KLF5: variants seen among roughly 807,000 people sequenced by gnomAD.
KLF5 encodes the protein Krueppel-like factor 5.
In KLF5, 9 loss-of-function variants were observed where a neutral mutation model predicts 36.9. That is an observed-to-expected ratio of 0.24 (90% CI 0.15 to 0.43). The LOEUF is 0.43. Among genes scored for constraint, KLF5 ranks in the 20% least tolerant of loss-of-function variants. KLF5 has a pLI of 1.00. For missense variants in KLF5, 524 were observed against 599.5 expected (o/e 0.87, Z 1.31); for synonymous variants, 246 against 241.7 (o/e 1.02, Z -0.17).
At chr13:73,060,329 A>G (rs1057437896) in intron 1 of KLF5, among the ~76,000 whole-genome samples, 4 of 152,260 alleles carry the variant, frequency 2.6e-5, no homozygotes, top group East Asian at 3.9e-4. Context: ...TAGCCCAGAA[A>G]AAACTTCCCG....
Position 73,062,078 on chromosome 13 carries a change from ACAT to A in KLF5, c.482_484del (p.Ile161del), listed in dbSNP as rs2044640176. ...AAATCCCAGAGACCGTGCGTAACAC[ACAT>A]CAAGACAGAACCTGTTGCCATTTTC... On this transcript the variant is annotated inframe_deletion, in exon 2 of 4. Transcript: ENST00000377687. 1 of 1,614,132 alleles carries A rather than the reference ACAT, an allele frequency of 6.2e-7. No homozygotes were observed. Among genetic ancestry groups the A allele is most frequent in the Non-Finnish European group, 8.5e-7 (1 of 1,180,034 alleles).
At chr13:73,068,703 CAAA>C (rs59878653) in intron 3 of KLF5, among the ~76,000 whole-genome samples, 2,342 of 93,102 alleles carry the variant, frequency 0.025, 58 homozygotes, top group African/African-American at 0.089. Flanking sequence ...GACTCCATCT[CAAA>C]AAAAAAAAAA....
chr13:73,064,057 A>G (rs745876011), intron 3 of KLF5, among the ~76,000 whole-genome samples, 174 bp downstream of exon 3: 7 of 151,556 alleles, frequency 4.6e-5, no homozygotes, highest in Non-Finnish European at 1.0e-4. Context: ...TTCCATGAGA[A>G]ATCTGGTTCC....
In KLF5 at chr13:73,077,252, AGTTTT is replaced by A. The variant is rs1298997851; in HGVS notation, c.*1371_*1375del. On this transcript the variant is annotated 3_prime_UTR_variant, in exon 4 of 4. Transcript: ENST00000377687. ...CAATTTTCATAACTTGATAAATTAT[AGTTTT>A]GTTTGTTAGAAAAGTTGCTCTTAAA... is the stretch of plus-strand genomic sequence containing the variant. The A allele has an allele frequency of 6.6e-6, 1 of 152,620 alleles. No individual in the cohort carries two copies. The highest frequency in any genetic ancestry group is 1.5e-5 in the Non-Finnish European group (1 of 68,026). 9.5% of individuals were successfully genotyped at this position (152,620 alleles called of 1,614,324 possible). A position where few individuals can be genotyped will look rare whatever the true frequency, so the allele number is the denominator to read the frequency against.
intron 3 of KLF5, among the ~76,000 whole-genome samples, chr13:73,067,714 CTG>C (rs762387268): frequency 2.0e-5 from 3 of 152,128 alleles, no homozygotes; most frequent in African/African-American, 7.2e-5. Context: ...GCATTGGACT[CTG>C]TGTGTACTAA....
chr13:73,066,916 A>C (rs1253313890), intron 3 of KLF5, among the ~76,000 whole-genome samples: 1 of 152,160 alleles, frequency 6.6e-6, no homozygotes, highest in African/African-American at 2.4e-5. Flanking sequence ...TATTCTAGGG[A>C]ATAATTATAT....
Position 73,076,154 on chromosome 13 carries a change from A to G in KLF5, c.*268A>G. 5.4e-6 allele frequency: 1 copy of G among 183,726 alleles called. No individual in the cohort carries two copies. The highest frequency in any genetic ancestry group is 1.1e-5 in the Non-Finnish European group (1 of 89,706). The allele number at this position is 183,726 out of a possible 1,614,324, so 11.4% of individuals were successfully genotyped here. A position where few individuals can be genotyped will look rare whatever the true frequency, so the allele number is the denominator to read the frequency against. ...TCATGACAGGCAGCCACGTCTCAAC[A>G]TGGGTAAGGGGTGGGGGTGGAGGGG... On this transcript the variant is annotated 3_prime_UTR_variant, in exon 4 of 4. Transcript: ENST00000377687.
intron 3 of KLF5, among the ~76,000 whole-genome samples, chr13:73,066,502 T>A (rs2044681315): frequency 6.6e-6 from 1 of 152,196 alleles, no homozygotes; most frequent in Non-Finnish European, 1.5e-5. Flanking sequence ...ACTCTTTAAA[T>A]GATTGTCGTT....
At chr13:73,059,919 G>T (rs921629761) in intron 1 of KLF5, 1 of 438,520 alleles carries the variant, frequency 2.3e-6, no homozygotes, top group Non-Finnish European at 3.0e-6. Context: ...TGTACCTTAC[G>T]CTCAGTTTTA....
chr13:73,069,828 A>T (rs1031953549), intron 3 of KLF5, among the ~76,000 whole-genome samples: 1 of 152,230 alleles, frequency 6.6e-6, no homozygotes, highest in Non-Finnish European at 1.5e-5. Flanking sequence ...AAAGATGAAT[A>T]ATCTCTTCTT....
rs764499472 is a variant in KLF5 at position 73,063,917 on chromosome 13, G to A, written c.1195+34G>A. The A allele has an allele frequency of 5.3e-6, 7 of 1,316,908 alleles. No individual in the cohort carries two copies. The South Asian group carries it at 8.2e-5, about 15-fold the overall frequency. 81.6% of individuals were successfully genotyped at this position (1,316,908 alleles called of 1,614,324 possible). A position where few individuals can be genotyped will look rare whatever the true frequency, so the allele number is the denominator to read the frequency against. ...TTTTCTTGTTAATTCTGTGAGTTGT[G>A]TAAATAGTGTAAGTGGTATTCATCC... is the stretch of plus-strand genomic sequence containing the variant. On this transcript the variant is annotated intron_variant, in intron 3 of 3. Coordinates refer to ENST00000377687, the MANE Select transcript of KLF5 (RefSeq NM_001730.5).
chr13:73,064,971 G>A (rs1305361575), intron 3 of KLF5, among the ~76,000 whole-genome samples: 5 of 152,140 alleles, frequency 3.3e-5, no homozygotes, highest in Admixed American at 2.0e-4. Flanking sequence ...TACTATTTGC[G>A]ATTTTCTTAA....
chr13:73,077,375 C>T lies in KLF5; in HGVS notation c.*1489C>T, dbSNP rs963633661. ...ACACACCTACATGAAAAGCAGAAAT[C>T]GGTTGCTGTTTTGCTTCTTTTTCCC... On this transcript the variant is annotated 3_prime_UTR_variant, in exon 4 of 4. Coordinates refer to ENST00000377687, the MANE Select transcript of KLF5 (RefSeq NM_001730.5). 1 of 152,578 alleles carries T rather than the reference C, an allele frequency of 6.6e-6. No individual in the cohort carries two copies. Among genetic ancestry groups the T allele is most frequent in the Non-Finnish European group, 1.5e-5 (1 of 68,034 alleles). The allele number at this position is 152,578 out of a possible 1,614,324, so 9.5% of individuals were successfully genotyped here.
rs1450442064 is a variant in KLF5 at position 73,059,043 on chromosome 13, G to A, written c.-285G>A. The A allele has an allele frequency of 1.0e-5, 3 of 299,108 alleles. No homozygotes were observed. Among genetic ancestry groups the A allele is most frequent in the Non-Finnish European group, 1.9e-5 (3 of 162,156 alleles). The allele number at this position is 299,108 out of a possible 1,614,324, so 18.5% of individuals were successfully genotyped here. ...GTACGTGCGCTCGCGGTTCTCTCGC[G>A]GAGGTCGGCGGTGGCGGGAGCGGGC... On this transcript the variant is annotated 5_prime_UTR_variant, in exon 1 of 4. Transcript: ENST00000377687.
chr13:73,059,935 A>C, intron 1 of KLF5: 1 of 324,830 alleles, frequency 3.1e-6, no homozygotes, highest in Non-Finnish European at 4.4e-6. Context: ...TTTTACTTAA[A>C]TTACGCCTTC....
chr13:73,072,736 T>TGCTC (rs1234983585), intron 3 of KLF5, among the ~76,000 whole-genome samples: 1 of 152,240 alleles, frequency 6.6e-6, no homozygotes, highest in Non-Finnish European at 1.5e-5. Flanking sequence ...TGCTGGTGCC[T>TGCTC]GCTCCCTTTT....
chr13:73,076,396 T>A lies in KLF5; in HGVS notation c.*510T>A, dbSNP rs746609174. The A allele has an allele frequency of 6.5e-6, 1 of 152,784 alleles. No individual in the cohort carries two copies. The allele number at this position is 152,784 out of a possible 1,614,324, so 9.5% of individuals were successfully genotyped here. On this transcript the variant is annotated 3_prime_UTR_variant, in exon 4 of 4. Coordinates refer to ENST00000377687, the MANE Select transcript of KLF5 (RefSeq NM_001730.5). ...CAAATGTGTGGGTTTTTAAAAATTA[T>A]ATACATATATGAGTTGCCTATATTT...
intron 3 of KLF5, among the ~76,000 whole-genome samples, chr13:73,065,867 T>C (rs1482657807): frequency 2.0e-5 from 3 of 152,218 alleles, no homozygotes; most frequent in Non-Finnish European, 4.4e-5. Flanking sequence ...TGAATAGCCT[T>C]TCACCCCGTC....
chr13:73,062,842 A>C, intron 2 of KLF5, 108 bp downstream of exon 2: 51 of 837,102 alleles, frequency 6.1e-5, no homozygotes, highest in Non-Finnish European at 7.4e-5. Flanking sequence ...TTTCAACCTC[A>C]TGGCTTTAAA....
Sources: allele counts gnomAD v4.1 joint callset (sites outside exome capture counted in the v4.1 genomes callset), GRCh38; gene constraint gnomAD v4.1.1; transcripts MANE v1.5; gene names NCBI Gene and HGNC (gene_info 2026-07-23, HGNC 2026-07-21).